MYT1L: variants seen among roughly 807,000 people sequenced by gnomAD.
MYT1L encodes myelin transcription factor 1-like protein.
MYT1L carries 12 observed loss-of-function variants against 126.7 expected under a neutral mutation model. The ratio of observed to expected loss-of-function variants is 0.09; its 90% CI spans 0.06 to 0.15. The LOEUF (loss-of-function observed/expected upper bound fraction) is 0.15. Ranked by LOEUF, MYT1L falls within the 10% of genes least tolerant of loss-of-function variation. The probability of loss-of-function intolerance (pLI) is 1.00; values close to 1 mark genes in which losing one functional copy is unlikely to be tolerated. For synonymous variants in MYT1L, 541 were observed against 604.2 expected, an observed-to-expected ratio of 0.90 and a Z score of 1.53; for missense variants, 979 against 1,585.2, an observed-to-expected ratio of 0.62 and a Z score of 6.49.
At chr2:2,001,927 T>C (rs1223654246) in intron 4 of MYT1L, among the ~76,000 whole-genome samples, 1 of 152,164 alleles carries the variant, frequency 6.6e-6, no homozygotes. Flanking sequence ...ACCTTCTTTC[T>C]ACATGGAAAT....
rs548579264 is a variant in MYT1L, at chr2:1,851,572, C to A, written c.2774+69G>T. 18 of 1,469,886 alleles carry A rather than the reference C, an allele frequency of 1.2e-5. No homozygotes were observed. In the East Asian group the frequency reaches 3.9e-4, roughly 31 times the overall value. The allele number at this position is 1,469,886 out of a possible 1,614,324, so 91.1% of individuals were successfully genotyped here. A position where few individuals can be genotyped will look rare whatever the true frequency, so the allele number is the denominator to read the frequency against. Reference sequence around the variant, plus strand: ...AAACTTCGCAAGGCTTGGAGCCTGACGTGAGTGATATTCCTGCCATTTCAG... The same window carrying A: ...AAACTTCGCAAGGCTTGGAGCCTGAAGTGAGTGATATTCCTGCCATTTCAG... On this transcript the variant is annotated intron_variant, in intron 19 of 24. Coordinates refer to ENST00000647738, the MANE Select transcript of MYT1L (RefSeq NM_001303052.2).
chr2:1,917,057 G>T lies in MYT1L; in HGVS notation c.1618+148C>A. The T allele has an allele frequency of 9.5e-7, 1 of 1,052,556 alleles. No homozygotes were observed. The highest frequency in any genetic ancestry group is 1.4e-6 in the Non-Finnish European group (1 of 733,198). The allele number at this position is 1,052,556 out of a possible 1,614,324, so 65.2% of individuals were successfully genotyped here. On this transcript the variant is annotated intron_variant, in intron 11 of 24. Coordinates refer to ENST00000647738, the MANE Select transcript of MYT1L (RefSeq NM_001303052.2). The surrounding 1 kb of genome is among the most constrained non-coding windows in gnomAD (Gnocchi z 5.9). ...GCCATTGGCATGCCCACGAATCCTGGATCAGTTGCCCATCAAGTTAAGTAG... is the reference window on the plus strand; with the variant it reads ...GCCATTGGCATGCCCACGAATCCTGTATCAGTTGCCCATCAAGTTAAGTAG...
At chr2:2,016,562 C>T (rs991948694) in intron 4 of MYT1L, among the ~76,000 whole-genome samples, 7 of 152,226 alleles carry the variant, frequency 4.6e-5, no homozygotes, top group African/African-American at 1.7e-4. Context: ...GAATCCAACA[C>T]CCTTCTCTGT....
chr2:1,797,052 G>A (rs367882119), intron 23 of MYT1L, among the ~76,000 whole-genome samples: 1 of 152,134 alleles, frequency 6.6e-6, no homozygotes, highest in African/African-American at 2.4e-5. Flanking sequence ...GATGAGATGC[G>A]TCTGGGGAAT....
intron 8 of MYT1L, among the ~76,000 whole-genome samples, chr2:1,954,138 T>A (rs2058124247): frequency 6.6e-6 from 1 of 152,180 alleles, no homozygotes; most frequent in South Asian, 2.1e-4. Context: ...TAAAGTGGCA[T>A]GCACAAAGTC....
At chr2:2,204,443 T>C (rs1262160733) in intron 2 of MYT1L, among the ~76,000 whole-genome samples, 1 of 150,394 alleles carries the variant, frequency 6.6e-6, no homozygotes, top group Admixed American at 6.6e-5. Flanking sequence ...CATCAAAAAG[T>C]GGGCGAAGGA....
At chr2:2,154,442 A>G (rs2086370720) in intron 3 of MYT1L, among the ~76,000 whole-genome samples, 2 of 152,240 alleles carry the variant, frequency 1.3e-5, no homozygotes, top group East Asian at 3.8e-4. Context: ...ATGCCTATCA[A>G]TAGTAGACTG....
intron 4 of MYT1L, among the ~76,000 whole-genome samples, chr2:2,030,870 T>C (rs1361748473): frequency 6.6e-6 from 1 of 152,194 alleles, no homozygotes; most frequent in Non-Finnish European, 1.5e-5. Context: ...TTGGTGCTCA[T>C]ATATACTCAG....
rs542728129 is a variant in MYT1L at position 2,082,917 on chromosome 2, G to A, written c.-303-28794C>T. ...TAGAACAGAAGAACATCAGGCAGATGCTGGCATCTTGTAAGCCAACCCTGC... is the reference window on the plus strand; with the variant it reads ...TAGAACAGAAGAACATCAGGCAGATACTGGCATCTTGTAAGCCAACCCTGC... On this transcript the variant is annotated intron_variant, in intron 3 of 24. Coordinates refer to ENST00000647738, the MANE Select transcript of MYT1L (RefSeq NM_001303052.2). Among the ~76,000 whole-genome samples the A allele has an allele frequency of 9.9e-5, 15 of 152,268 alleles. No homozygotes were observed. The South Asian group carries it at 2.9e-3, about 29-fold the overall frequency.
chr2:1,830,875 G>A (rs1413585736), intron 21 of MYT1L, among the ~76,000 whole-genome samples: 1 of 152,200 alleles, frequency 6.6e-6, no homozygotes, highest in Non-Finnish European at 1.5e-5. Context: ...CAGCCCCTTG[G>A]TGGCTGGTGG....
chr2:2,184,988 G>A (rs934284658), intron 2 of MYT1L, among the ~76,000 whole-genome samples: 6 of 152,276 alleles, frequency 3.9e-5, no homozygotes, highest in Non-Finnish European at 8.8e-5. Context: ...TGTCATCTCT[G>A]AAATGCAAAT....
intron 2 of MYT1L, among the ~76,000 whole-genome samples, chr2:2,223,669 T>C (rs1341113897): frequency 6.6e-6 from 1 of 152,230 alleles, no homozygotes; most frequent in Non-Finnish European, 1.5e-5. Context: ...CCAATTTTTG[T>C]CTTTACAAGA....
intron 4 of MYT1L, among the ~76,000 whole-genome samples, chr2:2,051,206 C>T (rs1235222128): frequency 2.0e-5 from 3 of 152,192 alleles, no homozygotes; most frequent in Non-Finnish European, 2.9e-5. Context: ...TGCAGCTGTA[C>T]GTGACAACTG....
chr2:1,819,633 C>G (rs2148123180), intron 21 of MYT1L, among the ~76,000 whole-genome samples: 1 of 152,356 alleles, frequency 6.6e-6, no homozygotes, highest in African/African-American at 2.4e-5. Context: ...GCAGAGGCCC[C>G]TGTGAATACA....
chr2:2,274,675 T>G (rs553629767), intron 2 of MYT1L, among the ~76,000 whole-genome samples: 1 of 152,330 alleles, frequency 6.6e-6, no homozygotes, highest in African/African-American at 2.4e-5. Context: ...TAGCTCCAGC[T>G]ATACAGTTGC....
At chr2:1,972,922 G>A (rs1032965420) in intron 8 of MYT1L, among the ~76,000 whole-genome samples, 1 of 152,214 alleles carries the variant, frequency 6.6e-6, no homozygotes, top group Non-Finnish European at 1.5e-5. Flanking sequence ...GGATTTGAAT[G>A]TACTACCAAT....
intron 21 of MYT1L, among the ~76,000 whole-genome samples, chr2:1,817,639 C>A (rs1035202320): frequency 2.6e-5 from 4 of 152,184 alleles, no homozygotes; most frequent in Non-Finnish European, 5.9e-5. Context: ...ACCCTGGGAG[C>A]AGGCCCAGCG....
intron 18 of MYT1L, among the ~76,000 whole-genome samples, chr2:1,854,270 T>A (rs1182330843): frequency 2.6e-5 from 4 of 152,156 alleles, no homozygotes; most frequent in Admixed American, 2.0e-4. Flanking sequence ...GGGGGAACAC[T>A]GTGAGTTTTG....
chr2:2,202,097 G>A (rs889178083), intron 2 of MYT1L, among the ~76,000 whole-genome samples: 80 of 152,022 alleles, frequency 5.3e-4, no homozygotes, highest in Non-Finnish European at 1.0e-3. Context: ...CAACATACCA[G>A]AATCTCTGGG....
Sources: allele counts gnomAD v4.1 joint callset (sites outside exome capture counted in the v4.1 genomes callset), GRCh38; gene constraint gnomAD v4.1.1; non-coding constraint Gnocchi (gnomAD v3.1); transcripts MANE v1.5; gene names NCBI Gene and HGNC (gene_info 2026-07-23, HGNC 2026-07-21).